Variants in EIPR1 observed in about 807,000 individuals in gnomAD.
The protein encoded by EIPR1 is EARP complex and GARP complex interacting protein 1, also known as EARP and GARP complex-interacting protein 1.
In EIPR1, 25 loss-of-function variants were observed where a neutral mutation model predicts 48.1. That is an observed-to-expected ratio of 0.52 (90% CI 0.38 to 0.73). The LOEUF is 0.73. Ranked by LOEUF, EIPR1 falls within the 30% of genes least tolerant of loss-of-function variation. The pLI is 0.00. For missense variants in EIPR1, 415 were observed against 506.2 expected (o/e 0.82, Z 1.73); for synonymous variants, 204 against 201.9 (o/e 1.01, Z -0.09).
At chr2:3,263,673 C>T (rs188867145) in intron 3 of EIPR1, among the ~76,000 whole-genome samples, 3 of 152,094 alleles carry the variant, frequency 2.0e-5, no homozygotes, top group Non-Finnish European at 4.4e-5. Flanking sequence ...GTGCGGCCAG[C>T]GCCCTCCCCA....
intron 4 of EIPR1, among the ~76,000 whole-genome samples, chr2:3,231,282 T>C (rs776454494): frequency 2.4e-4 from 37 of 152,210 alleles, no homozygotes; most frequent in Non-Finnish European, 4.1e-4. Flanking sequence ...TAGGATCATG[T>C]TGTCTACAAA....
intron 4 of EIPR1, among the ~76,000 whole-genome samples, chr2:3,224,795 C>G (rs1666006858): frequency 6.6e-6 from 1 of 152,194 alleles, no homozygotes; most frequent in South Asian, 2.1e-4. Flanking sequence ...GCTGGCAATG[C>G]CACCGGCAAT....
intron 3 of EIPR1, among the ~76,000 whole-genome samples, chr2:3,259,538 G>GCGCT: frequency 6.6e-6 from 1 of 152,278 alleles, no homozygotes; most frequent in South Asian, 2.1e-4. Flanking sequence ...GGTTCATGTA[G>GCGCT]CGCTATTCAC....
chr2:3,318,053 G>A (rs1344564655), intron 3 of EIPR1, among the ~76,000 whole-genome samples: 1 of 152,248 alleles, frequency 6.6e-6, no homozygotes, highest in African/African-American at 2.4e-5. Context: ...GGTCACACCT[G>A]CTTCCTGCTG....
chr2:3,325,315 A>C (rs1669660823), intron 3 of EIPR1, among the ~76,000 whole-genome samples: 1 of 152,224 alleles, frequency 6.6e-6, no homozygotes, highest in South Asian at 2.1e-4. Flanking sequence ...TGGGAGGTGC[A>C]TCTCCAGGTT....
chr2:3,336,063 C>T (rs1192232821), intron 3 of EIPR1, among the ~76,000 whole-genome samples: 3 of 152,088 alleles, frequency 2.0e-5, no homozygotes, highest in East Asian at 1.9e-4. Context: ...CTAGGAAGGG[C>T]CTCTCAAGAA....
chr2:3,339,809 G>A (rs1169342233), intron 2 of EIPR1, among the ~76,000 whole-genome samples: 5 of 152,212 alleles, frequency 3.3e-5, no homozygotes, highest in Admixed American at 3.3e-4. Context: ...AATTAGCCGG[G>A]CGTGGTGGCG....
chr2:3,207,128 T>A (rs1186837914), intron 5 of EIPR1, among the ~76,000 whole-genome samples: 1 of 152,154 alleles, frequency 6.6e-6, no homozygotes, highest in Non-Finnish European at 1.5e-5. Flanking sequence ...TCCATCCGCA[T>A]CCATGTACCC....
In EIPR1 at chr2:3,189,295, A is replaced by G; in HGVS notation, c.*39T>C. 1 of 1,508,258 alleles carries G rather than the reference A, an allele frequency of 6.6e-7. No individual in the cohort carries two copies. Among genetic ancestry groups the G allele is most frequent in the Non-Finnish European group, 9.0e-7 (1 of 1,116,968 alleles). 93.4% of individuals were successfully genotyped at this position (1,508,258 alleles called of 1,614,324 possible). A position where few individuals can be genotyped will look rare whatever the true frequency, so the allele number is the denominator to read the frequency against. On this transcript the variant is annotated 3_prime_UTR_variant, in exon 9 of 9. Transcript: ENST00000382125. This position sits in a 1 kb window ranked among gnomAD's most constrained non-coding sequence, Gnocchi z 4.6. Reference sequence around the variant, plus strand: ...ACTGTTTGAGAATCTGCCAAGAGGAAAACCACTCAATGGGACCTGGATAAC... The same window carrying G: ...ACTGTTTGAGAATCTGCCAAGAGGAGAACCACTCAATGGGACCTGGATAAC...
chr2:3,278,947 GT>G (rs1667939840), intron 3 of EIPR1, among the ~76,000 whole-genome samples: 1 of 152,160 alleles, frequency 6.6e-6, no homozygotes. Context: ...TGGTTGATAC[GT>G]GAGTTCACCT....
intron 4 of EIPR1, among the ~76,000 whole-genome samples, chr2:3,244,354 G>A (rs1666730686): frequency 6.6e-6 from 1 of 152,122 alleles, no homozygotes; most frequent in Non-Finnish European, 1.5e-5. Flanking sequence ...TACATGCAGG[G>A]TTAGTATACC....
At chr2:3,315,155 GCCTACCATCATCACCACCC>G (rs1669251765) in intron 3 of EIPR1, among the ~76,000 whole-genome samples, 1 of 96,506 alleles carries the variant, frequency 1.0e-5, no homozygotes, top group Admixed American at 9.8e-5. Flanking sequence ...TCGCCCCCAT[GCCTACCATCATCACCACCC>G]CCTACCACCA....
intron 1 of EIPR1, among the ~76,000 whole-genome samples, chr2:3,373,324 A>T (rs1248342297): frequency 6.6e-6 from 1 of 151,944 alleles, no homozygotes; most frequent in African/African-American, 2.4e-5. Flanking sequence ...CTGGCACAAG[A>T]CAGGGATGCC....
chr2:3,218,958 A>G (rs1665756458), intron 4 of EIPR1, among the ~76,000 whole-genome samples: 1 of 150,850 alleles, frequency 6.6e-6, no homozygotes, highest in African/African-American at 2.4e-5. Flanking sequence ...GTGCACACCC[A>G]GCAGGGCCCT....
At chr2:3,305,028 C>T (rs1353354141) in intron 3 of EIPR1, among the ~76,000 whole-genome samples, 1 of 115,538 alleles carries the variant, frequency 8.7e-6, no homozygotes, top group South Asian at 2.8e-4. Context: ...CACTCCTGTC[C>T]AGTTCAACCC....
chr2:3,339,149 A>G (rs1004506579), intron 2 of EIPR1, among the ~76,000 whole-genome samples: 2 of 152,234 alleles, frequency 1.3e-5, no homozygotes, highest in Non-Finnish European at 2.9e-5. Context: ...AAGAAACTGT[A>G]CGAATGCTAC....
intron 3 of EIPR1, among the ~76,000 whole-genome samples, chr2:3,259,783 T>C (rs1164862495): frequency 1.3e-5 from 2 of 152,182 alleles, no homozygotes; most frequent in Non-Finnish European, 2.9e-5. Flanking sequence ...CTTAGAAAGA[T>C]GGTCACTTGT....
At position 3,196,970 on chromosome 2, in the gene EIPR1, G is replaced by T; in HGVS notation, c.564C>A (p.Thr188=). The stretch of plus-strand genomic sequence containing the variant: ...TATGATGTGGGCTCCACCGTCCTGA[G>T]GTGAACTTCAGTTGTCCCTTCCCTT... The part of the protein sequence containing the change: ...SLEGKGQLKF[T]SGRWSPHHNC... The change falls in exon 6 of 9, where the codon ACC becomes ACA. Residue 188 remains threonine, a synonymous_variant. Transcript: ENST00000382125. 3 of 1,614,004 alleles carry T rather than the reference G, an allele frequency of 1.9e-6. No individual in the cohort carries two copies. Among genetic ancestry groups the T allele is most frequent in the Non-Finnish European group, 2.5e-6 (3 of 1,180,054 alleles).
At chr2:3,249,001 T>C (rs960041412) in intron 4 of EIPR1, among the ~76,000 whole-genome samples, 1 of 152,136 alleles carries the variant, frequency 6.6e-6, no homozygotes, top group Non-Finnish European at 1.5e-5. Context: ...CTCATGTATT[T>C]CCCTATAGCA....
Sources: gnomAD v4.1 joint callset for allele counts (sites outside exome capture counted in the v4.1 genomes callset) on GRCh38, gnomAD v4.1.1 for gene constraint, Gnocchi (gnomAD v3.1) non-coding constraint, MANE v1.5 for transcripts, NCBI Gene and HGNC (gene_info 2026-07-23, HGNC 2026-07-21) for gene names.